MLIP: variants seen among roughly 807,000 people sequenced by gnomAD.
MLIP encodes muscular LMNA interacting protein, also known as muscular LMNA-interacting protein.
Under a neutral mutation model 84.8 loss-of-function variants are expected in MLIP, and 79 were observed. The observed-to-expected ratio is 0.93, with a 90% CI of 0.78 to 1.12. The LOEUF is 1.12. Among genes scored for constraint, MLIP ranks in the 50% most tolerant of loss-of-function variants. The probability of loss-of-function intolerance (pLI) is 0.00; values close to 1 mark genes in which losing one functional copy is unlikely to be tolerated. For missense variants in MLIP, 1,257 were observed against 1,160.6 expected, an observed-to-expected ratio of 1.08 and a Z score of -1.21; for synonymous variants, 504 against 463.0, an observed-to-expected ratio of 1.09 and a Z score of -1.14.
chr6:54,119,540 A>G (rs1440663281), intron 1 of MLIP, among the ~76,000 whole-genome samples: 2 of 152,194 alleles, frequency 1.3e-5, no homozygotes, highest in African/African-American at 4.8e-5. Context: ...TGTGGTTGGT[A>G]GGAGGGAGGG....
intron 1 of MLIP, among the ~76,000 whole-genome samples, chr6:54,097,189 G>T (rs1768275328): frequency 6.6e-6 from 1 of 152,156 alleles, no homozygotes. Context: ...CAGAAATTTA[G>T]TTTTGTTCTT....
At chr6:54,090,308 G>A (rs1470785096) in intron 1 of MLIP, among the ~76,000 whole-genome samples, 1 of 152,076 alleles carries the variant, frequency 6.6e-6, no homozygotes. Flanking sequence ...TTATTAGGAT[G>A]TCTTGAGATA....
chr6:54,239,409 A>G (rs1045602085), intron 12 of MLIP, among the ~76,000 whole-genome samples: 3 of 148,494 alleles, frequency 2.0e-5, no homozygotes, highest in South Asian at 4.2e-4. Flanking sequence ...ACACATACAC[A>G]TATATGAATA....
intron 10 of MLIP, among the ~76,000 whole-genome samples, chr6:54,193,964 A>G (rs1023710545): frequency 6.6e-6 from 1 of 152,186 alleles, no homozygotes; most frequent in Non-Finnish European, 1.5e-5. Context: ...AGCCTGGTTT[A>G]GATGACATTT....
chr6:54,202,167 G>T lies in MLIP; in HGVS notation c.2652G>T (p.Glu884Asp). 6.2e-7 allele frequency: 1 copy of T among 1,601,824 alleles called. No homozygotes were observed. Among genetic ancestry groups the T allele is most frequent in the Non-Finnish European group, 8.5e-7 (1 of 1,173,020 alleles). ...CCAGAATATTACTGAAAAAAGAGGA[G>T]GAAGTCTATGAACCCAACCCTTTCA... ...VKSRILLKKE[E>D]EVYEPNPFSK... is the part of the protein sequence containing the mutation. The change falls in exon 11 of 14, where the codon GAG becomes GAT. Residue 884 changes from glutamate to aspartate, a missense_variant. Glu to Asp is a conservative substitution (Grantham distance 45, BLOSUM62 2). Coordinates refer to ENST00000502396, the MANE Select transcript of MLIP (RefSeq NM_001281747.2).
intron 1 of MLIP, among the ~76,000 whole-genome samples, chr6:54,090,682 TGTGA>T (rs1165864054): frequency 1.3e-4 from 19 of 151,356 alleles, no homozygotes; most frequent in East Asian, 5.8e-4. Context: ...TGTGTGTGTG[TGTGA>T]GACAGAGAAA....
intron 11 of MLIP, chr6:54,218,020 A>C: frequency 2.0e-6 from 2 of 985,232 alleles, no homozygotes; most frequent in Non-Finnish European, 1.2e-6. Context: ...CAGGGGTCAC[A>C]AACTATGGTC....
intron 9 of MLIP, among the ~76,000 whole-genome samples, chr6:54,174,591 C>A (rs906745007): frequency 6.6e-6 from 1 of 151,658 alleles, no homozygotes; most frequent in African/African-American, 2.4e-5. Context: ...TTTTAAACTA[C>A]AATTATAATA....
chr6:54,194,836 G>T, intron 10 of MLIP, among the ~76,000 whole-genome samples: 1 of 150,696 alleles, frequency 6.6e-6, no homozygotes, highest in African/African-American at 2.4e-5. Flanking sequence ...GGTAATAAGT[G>T]GTATAAAAAT....
At chr6:54,120,100 ACC>A (rs1397751810) in intron 1 of MLIP, among the ~76,000 whole-genome samples, 1 of 151,918 alleles carries the variant, frequency 6.6e-6, no homozygotes, top group Non-Finnish European at 1.5e-5. Flanking sequence ...ATTACTCTCA[ACC>A]TCTCTTTGTA....
intron 5 of MLIP, among the ~76,000 whole-genome samples, chr6:54,150,924 A>T (rs1455277663): frequency 2.0e-5 from 3 of 152,220 alleles, no homozygotes; most frequent in Non-Finnish European, 4.4e-5. Context: ...AGCCTATTAT[A>T]CAAGTTCATG....
intron 5 of MLIP, among the ~76,000 whole-genome samples, chr6:54,152,593 C>T (rs1188727260): frequency 6.6e-6 from 1 of 152,114 alleles, no homozygotes; most frequent in Non-Finnish European, 1.5e-5. Flanking sequence ...AGTTACCTCC[C>T]TCTGGGTCCC....
intron 1 of MLIP, among the ~76,000 whole-genome samples, chr6:54,038,452 TA>T (rs1764566005): frequency 6.6e-6 from 1 of 151,954 alleles, no homozygotes; most frequent in South Asian, 2.1e-4. Flanking sequence ...AATTTATGTT[TA>T]TTCAATTTAT....
intron 9 of MLIP, among the ~76,000 whole-genome samples, chr6:54,188,194 T>A (rs1414294557): frequency 2.0e-5 from 3 of 152,186 alleles, no homozygotes; most frequent in Admixed American, 2.0e-4. Context: ...AATGAGTTAG[T>A]GGTGAGTGAA....
At chr6:54,020,858 A>G (rs1030028970) in intron 1 of MLIP, among the ~76,000 whole-genome samples, 1 of 152,218 alleles carries the variant, frequency 6.6e-6, no homozygotes, top group African/African-American at 2.4e-5. Flanking sequence ...ATTCACCTGC[A>G]TTGAGAAGAG....
chr6:54,080,836 T>C (rs1767095214), intron 1 of MLIP, among the ~76,000 whole-genome samples: 1 of 151,316 alleles, frequency 6.6e-6, no homozygotes, highest in Admixed American at 6.6e-5. Flanking sequence ...AGGAAACTTT[T>C]AAAGTATAGT....
intron 1 of MLIP, among the ~76,000 whole-genome samples, chr6:54,095,453 T>C (rs1286506299): frequency 1.3e-5 from 2 of 152,142 alleles, no homozygotes; most frequent in Non-Finnish European, 2.9e-5. Context: ...CGTGCTTTTT[T>C]TCCCCACTGT....
At chr6:54,189,799 A>C in intron 9 of MLIP, 71 bp from the exon 10 acceptor site, 1 of 1,203,862 alleles carries the variant, frequency 8.3e-7, no homozygotes, top group Non-Finnish European at 1.2e-6. Flanking sequence ...CAAACTTCAA[A>C]ATACTTAAAC....
chr6:54,080,325 A>G (rs1474893848), intron 1 of MLIP, among the ~76,000 whole-genome samples: 1 of 152,154 alleles, frequency 6.6e-6, no homozygotes, highest in Non-Finnish European at 1.5e-5. Context: ...AAACAAAAAA[A>G]TTATATGTTT....
Sources: gnomAD v4.1 joint callset for allele counts (sites outside exome capture counted in the v4.1 genomes callset) on GRCh38, gnomAD v4.1.1 for gene constraint, MANE v1.5 for transcripts, NCBI Gene and HGNC (gene_info 2026-07-23, HGNC 2026-07-21) for gene names.